The following TANK variants were observed in gnomAD, a reference collection of about 807,000 sequenced individuals.
TANK encodes the protein TRAF family member-associated NF-kappa-B activator.
Under a neutral mutation model 43.6 loss-of-function variants are expected in TANK, and 15 were observed. The ratio of observed to expected loss-of-function variants is 0.34; its 90% CI spans 0.23 to 0.53. The LOEUF is 0.53. Ranked by LOEUF, TANK falls within the 20% of genes least tolerant of loss-of-function variation. The pLI is 0.94. For synonymous variants in TANK, 162 were observed against 178.2 expected (o/e 0.91, Z 0.73); for missense variants, 417 against 498.6 (o/e 0.84, Z 1.56).
At chr2:161,232,623 T>C in intron 7 of TANK, 1 of 1,289,272 alleles carries the variant, frequency 7.8e-7, no homozygotes, top group Non-Finnish European at 1.0e-6. Context: ...TGAAACAAAT[T>C]AAACAATTTC....
chr2:161,156,766 C>T (rs956548507), upstream of TANK, among the ~76,000 whole-genome samples: 3 of 152,136 alleles, frequency 2.0e-5, no homozygotes, highest in African/African-American at 4.8e-5. Flanking sequence ...TTTGTCACTG[C>T]GGGTGTTGGG....
At chr2:161,199,370 G>GA (rs1686301997) in intron 2 of TANK, among the ~76,000 whole-genome samples, 1 of 151,450 alleles carries the variant, frequency 6.6e-6, no homozygotes, top group Admixed American at 6.6e-5. Flanking sequence ...TTTGACTTAG[G>GA]ATATTATAGA....
chr2:161,231,043 C>T lies in TANK; in HGVS notation c.593C>T (p.Ala198Val). Residue 198 changes from alanine (A) to valine (V), a missense_variant, in exon 7 of 8, where the codon GCT becomes GTT. Physicochemically the swap from Ala to Val is moderately conservative, Grantham distance 64. Transcript: ENST00000392749. ...DKQEALFKPQ[A>V]KDDINRGAPS... Reference sequence around the variant, plus strand: ...CAAGAAGCGCTGTTTAAGCCTCAGGCTAAAGATGATATAAATAGAGGTGCA... The same window carrying T: ...CAAGAAGCGCTGTTTAAGCCTCAGGTTAAAGATGATATAAATAGAGGTGCA... 3 of 1,614,074 alleles carry T rather than the reference C, an allele frequency of 1.9e-6. No individual in the cohort carries two copies. The highest frequency in any genetic ancestry group is 2.5e-6 in the Non-Finnish European group (3 of 1,179,994).
chr2:161,137,085 C>G, intron 1 of TANK: 4 of 985,448 alleles, frequency 4.1e-6, no homozygotes, highest in Non-Finnish European at 4.8e-6. Context: ...TCAATAGTTC[C>G]TACTGATTCT....
At chr2:161,155,055 G>A (rs758444440) in intron 1 of TANK, among the ~76,000 whole-genome samples, 3 of 151,698 alleles carry the variant, frequency 2.0e-5, no homozygotes, top group Admixed American at 1.3e-4. Context: ...AAAAACAAGC[G>A]TACACTTTTA....
intron 5 of TANK, 127 bp from the exon 6 acceptor site, chr2:161,224,504 A>C: frequency 2.1e-6 from 1 of 472,682 alleles, no homozygotes; most frequent in Non-Finnish European, 3.8e-6. Context: ...TTAGGAATTT[A>C]AAATAATTTT....
chr2:161,224,847 A>G (rs2105387642), intron 6 of TANK, 101 bp downstream of exon 6: 2 of 670,278 alleles, frequency 3.0e-6, no homozygotes, highest in East Asian at 2.9e-5. Context: ...AGTGTGTAGC[A>G]TCTGTAATTT....
At chr2:161,209,333 C>G (rs1686781071) in intron 4 of TANK, among the ~76,000 whole-genome samples, 2 of 152,288 alleles carry the variant, frequency 1.3e-5, no homozygotes, top group South Asian at 2.1e-4. Context: ...CTATTCATCT[C>G]TTGTTTACAG....
chr2:161,183,315 G>C (rs909207307), intron 2 of TANK, among the ~76,000 whole-genome samples: 5 of 152,070 alleles, frequency 3.3e-5, no homozygotes, highest in African/African-American at 1.2e-4. Context: ...GTATGAGAGA[G>C]GGCTTTCTAA....
At chr2:161,150,713 A>G (rs982555861) in intron 1 of TANK, among the ~76,000 whole-genome samples, 1 of 150,778 alleles carries the variant, frequency 6.6e-6, no homozygotes, top group Non-Finnish European at 1.5e-5. Context: ...CAGCCTCCCA[A>G]ATAGCCGGGA....
upstream of TANK, among the ~76,000 whole-genome samples, chr2:161,155,767 GTGTTT>G (rs1162423384): frequency 1.3e-5 from 2 of 152,136 alleles, no homozygotes; most frequent in African/African-American, 4.8e-5. Context: ...ACTTTCCAAT[GTGTTT>G]TCAGAGTACC....
intron 1 of TANK, among the ~76,000 whole-genome samples, chr2:161,140,221 A>G (rs1683703135): frequency 6.6e-6 from 1 of 152,130 alleles, no homozygotes. Context: ...AAGAATCCAT[A>G]ATACTGTTGG....
chr2:161,197,984 A>G, intron 2 of TANK, among the ~76,000 whole-genome samples: 1 of 152,160 alleles, frequency 6.6e-6, no homozygotes. Context: ...AAAGCCCCCA[A>G]AAGACTTACC....
chr2:161,166,795 CA>C lies in TANK; in HGVS notation c.-50+6319del, dbSNP rs374193874. 1.1e-4 allele frequency among the ~76,000 whole-genome samples: 16 copies of C among 140,576 alleles called. No individual in the cohort carries two copies. In the South Asian group the frequency reaches 2.5e-3, roughly 22 times the overall value. 92.2% of individuals were successfully genotyped at this position (140,576 alleles called of 152,430 possible). On this transcript the variant is annotated intron_variant, in intron 1 of 7. Transcript: ENST00000392749. ...TGGGGGACAGAGTGAAGCTCTGTCT[CA>C]AAAAAAAAACAAAAAACAAAACAAA...
At chr2:161,232,786 A>G (rs1687984208) in intron 7 of TANK, 3 of 1,550,602 alleles carry the variant, frequency 1.9e-6, no homozygotes, top group Middle Eastern at 1.7e-4. Flanking sequence ...TTTGCTTTCT[A>G]TACTACAGCA....
intron 4 of TANK, chr2:161,207,869 G>C: frequency 1.0e-6 from 1 of 985,228 alleles, no homozygotes; most frequent in Non-Finnish European, 1.2e-6. Flanking sequence ...TAGAGAAATG[G>C]TTAAGGTGAT....
At chr2:161,202,424 C>T (rs1194248078) in intron 2 of TANK, among the ~76,000 whole-genome samples, 1 of 151,852 alleles carries the variant, frequency 6.6e-6, no homozygotes, top group Non-Finnish European at 1.5e-5. Context: ...CTCCTGACCT[C>T]GTGATCCACC....
rs1683684309 is a variant in TANK, at chr2:161,139,679, A to G, written c.-50+2616A>G. On this transcript the variant is annotated intron_variant, in intron 1 of 7. Coordinates refer to the TANK transcript ENST00000259075. ...TTTCCTCTTTTTCTCTCCAATCCACATGCTTAGACACCTCTTCTCTATTAT... is the reference window on the plus strand; with the variant it reads ...TTTCCTCTTTTTCTCTCCAATCCACGTGCTTAGACACCTCTTCTCTATTAT... The G allele has an allele frequency of 4.1e-6, 4 of 985,174 alleles. No homozygotes were observed. In the South Asian group the frequency reaches 1.9e-4, roughly 46 times the overall value. The allele number at this position is 985,174 out of a possible 1,614,324, so 61.0% of individuals were successfully genotyped here.
intron 2 of TANK, chr2:161,201,132 C>T: frequency 1.0e-6 from 1 of 985,348 alleles, no homozygotes; most frequent in Admixed American, 6.1e-5. Context: ...TTCTGTTTCC[C>T]TTACTATACT....
Sources: gnomAD v4.1 joint callset for allele counts (sites outside exome capture counted in the v4.1 genomes callset) on GRCh38, gnomAD v4.1.1 for gene constraint, MANE v1.5 for transcripts, NCBI Gene and HGNC (gene_info 2026-07-23, HGNC 2026-07-21) for gene names.